Variants in LRMDA observed in about 807,000 individuals in gnomAD.
LRMDA encodes the protein leucine rich melanocyte differentiation associated, also known as leucine-rich melanocyte differentiation-associated protein.
In LRMDA, 18 loss-of-function variants were observed where a neutral mutation model predicts 29.8. The ratio of observed to expected loss-of-function variants is 0.60; its 90% CI spans 0.42 to 0.90. The LOEUF (loss-of-function observed/expected upper bound fraction) is 0.90. Ranked by LOEUF, LRMDA falls within the 40% of genes least tolerant of loss-of-function variation. LRMDA has a pLI of 0.00. For synonymous variants in LRMDA, 125 were observed against 109.4 expected (o/e 1.14, Z -0.89); for missense variants, 273 against 273.9 (o/e 1.00, Z 0.02).
chr10:76,482,723 A>G lies in LRMDA; in HGVS notation c.602-74486A>G, dbSNP rs951483191. ...AAACACAAGGTCTTGCTGTGAATAG[A>G]ATGTGCATTTGTTCAGCATTAGCAG... On this transcript the variant is annotated intron_variant, in intron 6 of 6. Transcript: ENST00000611255. Among the ~76,000 whole-genome samples the G allele has an allele frequency of 3.9e-5, 6 of 152,116 alleles. No individual in the cohort carries two copies. In the East Asian group the frequency reaches 9.7e-4, roughly 25 times the overall value.
At chr10:76,284,199 G>A (rs1050842185) in intron 5 of LRMDA, among the ~76,000 whole-genome samples, 4 of 152,288 alleles carry the variant, frequency 2.6e-5, no homozygotes, top group African/African-American at 9.6e-5. Flanking sequence ...AAGGGACTTT[G>A]CAGGTGTGAT....
chr10:75,433,636 G>A (rs1844231468), intron 1 of LRMDA, among the ~76,000 whole-genome samples: 1 of 152,090 alleles, frequency 6.6e-6, no homozygotes, highest in Non-Finnish European at 1.5e-5. Flanking sequence ...TTGGATGTGG[G>A]TAGCATGGAA....
chr10:75,591,852 T>C (rs1840727702), intron 2 of LRMDA, among the ~76,000 whole-genome samples: 1 of 152,328 alleles, frequency 6.6e-6, no homozygotes, highest in South Asian at 2.1e-4. Context: ...TGGTGGAGTT[T>C]ACCTTCTGGT....
chr10:76,378,582 A>G (rs184766455), intron 6 of LRMDA, among the ~76,000 whole-genome samples: 2 of 152,116 alleles, frequency 1.3e-5, no homozygotes, highest in Admixed American at 1.3e-4. Flanking sequence ...GAGGGTTTTA[A>G]TCATGAAGAG....
chr10:75,865,610 A>G (rs1226195675), intron 2 of LRMDA, among the ~76,000 whole-genome samples: 1 of 152,194 alleles, frequency 6.6e-6, no homozygotes, highest in Non-Finnish European at 1.5e-5. Context: ...GAGGTTTAGA[A>G]AAAATTTGTT....
At chr10:76,271,982 A>G (rs1055691094) in intron 5 of LRMDA, among the ~76,000 whole-genome samples, 1 of 152,180 alleles carries the variant, frequency 6.6e-6, no homozygotes, top group Admixed American at 6.5e-5. Context: ...GTGTGCAGTC[A>G]CTCAGTAAGA....
At chr10:75,874,641 C>CTTAATT (rs965403665) in intron 2 of LRMDA, among the ~76,000 whole-genome samples, 1 of 152,134 alleles carries the variant, frequency 6.6e-6, no homozygotes, top group Admixed American at 6.5e-5. Flanking sequence ...TTTCAAGAGA[C>CTTAATT]CTAGGTATTA....
intron 5 of LRMDA, among the ~76,000 whole-genome samples, chr10:76,305,671 A>G (rs1339825129): frequency 6.6e-6 from 1 of 152,228 alleles, no homozygotes; most frequent in Non-Finnish European, 1.5e-5. Flanking sequence ...AATATTGCAC[A>G]GGACATCAGA....
At chr10:76,534,050 C>A (rs966013819) in intron 6 of LRMDA, among the ~76,000 whole-genome samples, 10 of 152,134 alleles carry the variant, frequency 6.6e-5, no homozygotes, top group African/African-American at 2.4e-4. Flanking sequence ...GTGATAGATC[C>A]TGTGCTTTGC....
At chr10:75,855,386 A>ATG (rs1484216454) in intron 2 of LRMDA, among the ~76,000 whole-genome samples, 1 of 152,164 alleles carries the variant, frequency 6.6e-6, no homozygotes, top group Admixed American at 6.5e-5. Context: ...GTGTCTGTTC[A>ATG]TATCCTTCGC....
At chr10:76,528,152 A>G (rs1208191833) in intron 6 of LRMDA, among the ~76,000 whole-genome samples, 2 of 152,154 alleles carry the variant, frequency 1.3e-5, no homozygotes, top group African/African-American at 4.8e-5. Flanking sequence ...AGATGCATTC[A>G]CTTAGGAATC....
intron 2 of LRMDA, among the ~76,000 whole-genome samples, chr10:75,733,257 C>T (rs1157737220): frequency 2.6e-5 from 4 of 152,184 alleles, no homozygotes; most frequent in African/African-American, 9.6e-5. Context: ...GTGGTGAGCT[C>T]TGCATCATTG....
At chr10:76,194,375 A>G (rs371189897) in intron 5 of LRMDA, among the ~76,000 whole-genome samples, 4 of 152,090 alleles carry the variant, frequency 2.6e-5, no homozygotes, top group African/African-American at 9.7e-5. Context: ...TTTTTTTGTC[A>G]TGGGGCAGTC....
chr10:76,529,080 G>T (rs1436047768), intron 6 of LRMDA, among the ~76,000 whole-genome samples: 1 of 152,098 alleles, frequency 6.6e-6, no homozygotes. Flanking sequence ...CACCAAGGAG[G>T]CCTCCAGAAC....
chr10:76,194,965 T>C (rs1181217125), intron 5 of LRMDA, among the ~76,000 whole-genome samples: 1 of 152,224 alleles, frequency 6.6e-6, no homozygotes. Context: ...ACTTATTTTT[T>C]TCTACAAAGC....
At chr10:76,173,293 T>A (rs2132195735) in intron 5 of LRMDA, among the ~76,000 whole-genome samples, 1 of 152,244 alleles carries the variant, frequency 6.6e-6, no homozygotes, top group African/African-American at 2.4e-5. Flanking sequence ...CTGATGGATA[T>A]GTTTGTAATT....
At chr10:76,476,782 A>G (rs1211965097) in intron 6 of LRMDA, among the ~76,000 whole-genome samples, 2 of 152,224 alleles carry the variant, frequency 1.3e-5, no homozygotes, top group Non-Finnish European at 2.9e-5. Flanking sequence ...GCATATAAAC[A>G]GAACCAAAGA....
At chr10:76,033,606 A>G (rs1848188682) in intron 2 of LRMDA, among the ~76,000 whole-genome samples, 1 of 152,216 alleles carries the variant, frequency 6.6e-6, no homozygotes, top group South Asian at 2.1e-4. Flanking sequence ...CCATTTGCTG[A>G]TTCTCATCAG....
chr10:75,627,677 T>A (rs987869135), intron 2 of LRMDA, among the ~76,000 whole-genome samples: 1 of 152,076 alleles, frequency 6.6e-6, no homozygotes, highest in African/African-American at 2.4e-5. Flanking sequence ...GATGCTTGGA[T>A]CTCACTACCA....
Sources: gnomAD v4.1 joint callset for allele counts (sites outside exome capture counted in the v4.1 genomes callset) on GRCh38, gnomAD v4.1.1 for gene constraint, MANE v1.5 for transcripts, NCBI Gene and HGNC (gene_info 2026-07-23, HGNC 2026-07-21) for gene names.